Variants in TRIM39 observed in about 807,000 individuals in gnomAD.
TRIM39 encodes E3 ubiquitin-protein ligase TRIM39.
TRIM39 carries 5 observed loss-of-function variants against 53.6 expected under a neutral mutation model. The ratio of observed to expected loss-of-function variants is 0.09; its 90% confidence interval spans 0.05 to 0.20. The LOEUF (loss-of-function observed/expected upper bound fraction) is 0.20, where lower values mean the gene tolerates loss of function less well. Ranked by LOEUF, TRIM39 falls within the 10% of genes least tolerant of loss-of-function variation. The pLI, the probability that TRIM39 is intolerant of heterozygous loss-of-function variation, is 1.00. For missense variants in TRIM39, 310 were observed against 621.0 expected (o/e 0.50, Z 5.32); for synonymous variants, 196 against 237.6 (o/e 0.82, Z 1.61).
intron 4 of TRIM39, 81 bp downstream of exon 4, chr6:30,330,957 C>T: frequency 6.7e-7 from 1 of 1,486,786 alleles, no homozygotes; most frequent in Non-Finnish European, 9.2e-7. Flanking sequence ...TTTAATCCAC[C>T]AGTTCCGGTT....
At chr6:30,340,335 C>T (rs1274667108) in intron 6 of TRIM39, 170 bp from the exon 7 acceptor site, 1 of 1,612,988 alleles carries the variant, frequency 6.2e-7, no homozygotes, top group Non-Finnish European at 8.5e-7. Context: ...ATAAGGCTCT[C>T]CTTGGATTAG....
chr6:30,334,035 C>G (rs541555650), intron 4 of TRIM39, among the ~76,000 whole-genome samples: 1 of 152,252 alleles, frequency 6.6e-6, no homozygotes, highest in Admixed American at 6.5e-5. Flanking sequence ...TTATTGAGGG[C>G]AAATGTGAGA....
At chr6:30,332,992 CAT>C (rs1786374907) in intron 4 of TRIM39, among the ~76,000 whole-genome samples, 2 of 152,048 alleles carry the variant, frequency 1.3e-5, no homozygotes, top group African/African-American at 2.4e-5. Flanking sequence ...TATAATGAAA[CAT>C]AATTGATGAT....
rs377153249 is a variant in TRIM39, at chr6:30,339,960, G to A, written c.803+30G>A. The A allele has an allele frequency of 2.1e-4, 331 of 1,614,030 alleles. No homozygotes were observed. The highest frequency in any genetic ancestry group is 2.7e-4 in the Non-Finnish European group (323 of 1,180,024). ...GTGATTGTTGTATCTCTCTGAGTGAGTTAGGTCTTGGCTTAGAGAGGAGGG... is the reference window on the plus strand; with the variant it reads ...GTGATTGTTGTATCTCTCTGAGTGAATTAGGTCTTGGCTTAGAGAGGAGGG... On this transcript the variant is annotated intron_variant, in intron 6 of 7. Transcript: ENST00000396551. The surrounding 1 kb of genome is among the most constrained non-coding windows in gnomAD (Gnocchi z 4.2).
chr6:30,343,531 C>G (rs1787779797), exon 8 of TRIM39: 1 of 152,668 alleles, frequency 6.6e-6, no homozygotes, highest in African/African-American at 2.4e-5. Flanking sequence ...TTTGGATTAT[C>G]TGCTATTCGG....
At position 30,342,381 on chromosome 6, in the gene TRIM39, C is replaced by T. The variant is rs2127415747; in HGVS notation, c.*122C>T. 2 of 1,069,596 alleles carry T rather than the reference C, an allele frequency of 1.9e-6. No individual in the cohort carries two copies. The highest frequency in any genetic ancestry group is 2.4e-5 in the Admixed American group (1 of 42,142). 66.3% of individuals were successfully genotyped at this position (1,069,596 alleles called of 1,614,324 possible). On this transcript the variant is annotated 3_prime_UTR_variant, in exon 8 of 8. Transcript: ENST00000396551. This position sits in a 1 kb window ranked among gnomAD's most constrained non-coding sequence, Gnocchi z 4.7. ...CCAGTCCTGAATCATCTTGGAGAAA[C>T]ACCTTGGTTTCTAGGATGGTTTTGT...
intron 6 of TRIM39, 33 bp from the exon 7 acceptor site, chr6:30,340,472 C>T (rs777033006): frequency 6.2e-7 from 1 of 1,612,456 alleles, no homozygotes; most frequent in Admixed American, 1.7e-5. Flanking sequence ...CCTAACCCTG[C>T]CCTTTCTTCC....
chr6:30,341,386 C>G (rs1380070228), intron 7 of TRIM39: 1 of 625,952 alleles, frequency 1.6e-6, no homozygotes, highest in Admixed American at 2.1e-5. Flanking sequence ...TTCTGCCCCT[C>G]AGACTACACC....
exon 8 of TRIM39, chr6:30,341,758 G>T (rs769108008): frequency 1.2e-6 from 2 of 1,613,028 alleles, no homozygotes; most frequent in South Asian, 2.2e-5. Context: ...ACCTAGTCCT[G>T]TCAGAGGATC....
chr6:30,342,921 T>C lies in TRIM39; in HGVS notation c.*662T>C, dbSNP rs1270916496. 3 of 152,648 alleles carry C rather than the reference T, an allele frequency of 2.0e-5. No individual in the cohort carries two copies. The highest frequency in any genetic ancestry group is 7.3e-5 in the African/African-American group (3 of 41,378). The allele number at this position is 152,648 out of a possible 1,614,324, so 9.5% of individuals were successfully genotyped here. A position where few individuals can be genotyped will look rare whatever the true frequency, so the allele number is the denominator to read the frequency against. ...GGGTAAGATTGGCCAGAGGTAGGAA[T>C]GTGGGGAGAAGGAGAGGCTGAAAAG... On this transcript the variant is annotated 3_prime_UTR_variant, in exon 8 of 8. Coordinates refer to ENST00000396551, the Ensembl canonical transcript of TRIM39. The surrounding 1 kb of genome is among the most constrained non-coding windows in gnomAD (Gnocchi z 4.7).
rs1786768953 is a variant in TRIM39, at chr6:30,335,709, G to A, written c.550-36G>A. On this transcript the variant is annotated intron_variant, in intron 4 of 7. Coordinates refer to ENST00000396551, the Ensembl canonical transcript of TRIM39. The surrounding 1 kb of genome is among the most constrained non-coding windows in gnomAD (Gnocchi z 4.7). The stretch of plus-strand genomic sequence containing the variant: ...GAGAAAGGCTTCCTTATACCACACT[G>A]ACCCTGCTGATACAACATCTTCCCT... The A allele has an allele frequency of 6.2e-7, 1 of 1,604,398 alleles. No individual in the cohort carries two copies. The highest frequency in any genetic ancestry group is 2.2e-5 in the East Asian group (1 of 44,772).
rs145694007 is a variant in TRIM39 at position 30,335,776 on chromosome 6, T to C, written c.581T>C (p.Leu194Ser). Reference sequence around the variant, plus strand: ...GTGGAAAGTCGCCGACAGCAGATCTTGAGGGAGTTTGAAGAGCTTCATAGG... The same window carrying C: ...GTGGAAAGTCGCCGACAGCAGATCTCGAGGGAGTTTGAAGAGCTTCATAGG... Residue 194 changes from leucine to serine, a missense_variant, in exon 5 of 8, where the codon TTG (leucine) becomes TCG (serine). Coordinates refer to ENST00000396551, the Ensembl canonical transcript of TRIM39. The surrounding 1 kb of genome is among the most constrained non-coding windows in gnomAD (Gnocchi z 4.7). The C allele has an allele frequency of 5.8e-5, 94 of 1,612,818 alleles. No individual in the cohort carries two copies. The highest frequency in any genetic ancestry group is 1.7e-4 in the Middle Eastern group (1 of 6,060).
rs1787276271 is a variant in TRIM39 at position 30,339,770 on chromosome 6, C to A, written c.781-138C>A. The A allele has an allele frequency of 6.6e-6, 8 of 1,210,592 alleles. No homozygotes were observed. The highest frequency in any genetic ancestry group is 2.1e-5 in the Admixed American group (1 of 48,168). The allele number at this position is 1,210,592 out of a possible 1,614,324, so 75.0% of individuals were successfully genotyped here. A position where few individuals can be genotyped will look rare whatever the true frequency, so the allele number is the denominator to read the frequency against. On this transcript the variant is annotated intron_variant, in intron 5 of 7. Transcript: ENST00000396551. This position sits in a 1 kb window ranked among gnomAD's most constrained non-coding sequence, Gnocchi z 4.2. ...AGTGCATTCAGGTCCCGCTGGAGCT[C>A]TTCTTGCACTGTGTGACCCTCAGTT...
chr6:30,334,492 A>C (rs1407038849), intron 4 of TRIM39, among the ~76,000 whole-genome samples: 3 of 152,356 alleles, frequency 2.0e-5, no homozygotes, highest in South Asian at 4.1e-4. Flanking sequence ...CTAAATTACT[A>C]ACAAACTTCT....
intron 1 of TRIM39, chr6:30,327,391 C>T (rs1785491892): frequency 6.5e-6 from 1 of 153,896 alleles, no homozygotes; most frequent in Non-Finnish European, 1.4e-5. Flanking sequence ...CCAGATCTGG[C>T]GGAAGAAGAT....
intron 1 of TRIM39, among the ~76,000 whole-genome samples, chr6:30,327,940 CATA>C (rs1390599169): frequency 6.6e-6 from 1 of 152,234 alleles, no homozygotes. Flanking sequence ...TCTCTCAGCA[CATA>C]GATCTACCAA....
rs182209366 is a variant in TRIM39 at position 30,336,368 on chromosome 6, G to A, written c.780+393G>A. On this transcript the variant is annotated intron_variant, in intron 5 of 7. Transcript: ENST00000396551. ...CAGAAACATAGTTTAAAGGATACAGGCATACCTCAGAGATATTGTGGGTTC... is the reference window on the plus strand; with the variant it reads ...CAGAAACATAGTTTAAAGGATACAGACATACCTCAGAGATATTGTGGGTTC... Among the ~76,000 whole-genome samples the A allele has an allele frequency of 1.2e-3, 181 of 152,278 alleles. 1 individual carries two copies. The highest frequency in any genetic ancestry group is 3.3e-3 in the African/African-American group (139 of 41,552).
Position 30,340,065 on chromosome 6 carries a change from T to C in TRIM39, c.803+135T>C, listed in dbSNP as rs1050339948. 154 of 1,406,120 alleles carry C rather than the reference T, an allele frequency of 1.1e-4. 1 individual carries two copies. The highest frequency in any genetic ancestry group is 1.0e-3 in the Middle Eastern group (5 of 4,774). The allele number at this position is 1,406,120 out of a possible 1,614,324, so 87.1% of individuals were successfully genotyped here. ...TGGGCAGGGTATGGGAGAATGTTCA[T>C]TGTGCCCATGAAGCCAGTTAGAGAA... On this transcript the variant is annotated intron_variant, in intron 6 of 7. Coordinates refer to ENST00000396551, the Ensembl canonical transcript of TRIM39.
intron 2 of TRIM39, 67 bp from the exon 3 acceptor site, chr6:30,329,244 A>C: frequency 8.0e-7 from 1 of 1,243,232 alleles, no homozygotes; most frequent in Non-Finnish European, 1.1e-6. Context: ...AGGGATGCAA[A>C]AAAAAAAAAA....
Sources: allele counts gnomAD v4.1 joint callset (sites outside exome capture counted in the v4.1 genomes callset), GRCh38; gene constraint gnomAD v4.1.1; non-coding constraint Gnocchi (gnomAD v3.1); transcripts MANE v1.5; gene names NCBI Gene and HGNC (gene_info 2026-07-23, HGNC 2026-07-21).